CRACDL: variants seen among roughly 807,000 people sequenced by gnomAD.
The protein encoded by CRACDL is CRACD like.
Under a neutral mutation model 70.6 loss-of-function variants are expected in CRACDL, and 26 were observed. That is an observed-to-expected ratio of 0.37 (90% CI 0.27 to 0.51). The LOEUF is 0.51. CRACDL is among the 20% of genes least tolerant of loss of function. The probability of loss-of-function intolerance (pLI) is 0.94; values close to 1 mark genes in which losing one functional copy is unlikely to be tolerated. For missense variants in CRACDL, 1,283 were observed against 1,376.9 expected (o/e 0.93, Z 1.08); for synonymous variants, 618 against 615.2 (o/e 1.00, Z -0.07).
chr2:98,815,058 G>C (rs1397204354), intron 7 of CRACDL, among the ~76,000 whole-genome samples: 1 of 151,298 alleles, frequency 6.6e-6, no homozygotes, highest in Non-Finnish European at 1.5e-5. Context: ...TTTTTTTACA[G>C]AGAATTTCTA....
chr2:98,853,032 G>A (rs1464730852), intron 1 of CRACDL, among the ~76,000 whole-genome samples: 5 of 132,168 alleles, frequency 3.8e-5, no homozygotes, highest in Admixed American at 1.5e-4. Context: ...GGAAGGGAAA[G>A]GGAAGGGAAG....
At chr2:98,805,968 C>T (rs1389097021) in intron 7 of CRACDL, among the ~76,000 whole-genome samples, 1 of 152,268 alleles carries the variant, frequency 6.6e-6, no homozygotes, top group East Asian at 1.9e-4. Flanking sequence ...TGGTAGCACG[C>T]TTCTATCATT....
chr2:98,896,211 G>A (rs933591666), intron 1 of CRACDL, among the ~76,000 whole-genome samples: 20 of 152,104 alleles, frequency 1.3e-4, no homozygotes, highest in Admixed American at 3.9e-4. Context: ...GAGAAGACAC[G>A]GCAAGCATGC....
Position 98,822,215 on chromosome 2 carries a change from G to A in CRACDL, c.2058C>T (p.Leu686=), listed in dbSNP as rs368943886. Residue 686 remains leucine (L), a synonymous_variant, in exon 7 of 10, where the codon CTC becomes CTT. Transcript: ENST00000397899. This position sits in a 1 kb window ranked among gnomAD's most constrained non-coding sequence, Gnocchi z 4.9. ...ATTTGAGCGAGAGGGAGGTGGACCG[G>A]AGCTTGACGGGGAAGGGGTTTCTGT... The part of the protein sequence containing the change: ...SEDRNPFPVK[L]RSTSLSLKYR... 2.4e-5 allele frequency: 38 copies of A among 1,608,480 alleles called. No individual in the cohort carries two copies. The African/African-American group carries it at 4.8e-4, about 20-fold the overall frequency.
chr2:98,878,493 G>A (rs1327214744), intron 1 of CRACDL, among the ~76,000 whole-genome samples: 3 of 152,184 alleles, frequency 2.0e-5, no homozygotes, highest in African/African-American at 7.2e-5. Context: ...GTTTGCGTAA[G>A]CATATTACAT....
rs147558548 is a variant in CRACDL at position 98,896,014 on chromosome 2, C to T, written c.-11+39924G>A. Among the ~76,000 whole-genome samples the T allele has an allele frequency of 2.6e-4, 39 of 152,302 alleles. No individual in the cohort carries two copies. In the East Asian group the frequency reaches 6.6e-3, roughly 26 times the overall value. ...GGCGCCTTGATCTAGGACTTCCGGC[C>T]TCCAGGACTGTGAGCAAACAATCTC... On this transcript the variant is annotated intron_variant, in intron 1 of 9. Coordinates refer to ENST00000397899, the MANE Select transcript of CRACDL (RefSeq NM_207362.3).
chr2:98,894,975 G>C (rs1350449720), intron 1 of CRACDL, among the ~76,000 whole-genome samples: 1 of 152,106 alleles, frequency 6.6e-6, no homozygotes, highest in Non-Finnish European at 1.5e-5. Flanking sequence ...AGCCAGGTGT[G>C]GTGACATGCA....
chr2:98,911,101 G>A (rs186936002), intron 1 of CRACDL, among the ~76,000 whole-genome samples: 43 of 152,300 alleles, frequency 2.8e-4, no homozygotes, highest in Admixed American at 1.1e-3. Flanking sequence ...GCCGAACTGA[G>A]AGGTGAGAGA....
chr2:98,902,450 A>G (rs1025079107), intron 1 of CRACDL, among the ~76,000 whole-genome samples: 8 of 152,140 alleles, frequency 5.3e-5, no homozygotes, highest in African/African-American at 1.7e-4. Flanking sequence ...GATCTGATCA[A>G]TATGAAGTGG....
chr2:98,892,689 C>CA (rs879749506), intron 1 of CRACDL, among the ~76,000 whole-genome samples: 51 of 135,782 alleles, frequency 3.8e-4, no homozygotes, highest in African/African-American at 9.8e-4. Flanking sequence ...GGCTCAGTCT[C>CA]AAAAAAAAAA....
chr2:98,799,969 C>A (rs888266495), intron 7 of CRACDL, among the ~76,000 whole-genome samples: 1 of 152,180 alleles, frequency 6.6e-6, no homozygotes, highest in African/African-American at 2.4e-5. Context: ...ATCGCTTCCT[C>A]CCAGCATTCT....
At chr2:98,933,739 G>A (rs1412476491) in intron 1 of CRACDL, among the ~76,000 whole-genome samples, 2 of 152,132 alleles carry the variant, frequency 1.3e-5, no homozygotes, top group Non-Finnish European at 2.9e-5. Context: ...CCACCCTCCT[G>A]GAGGCCTGGT....
At chr2:98,832,777 A>G (rs1705598010) in intron 4 of CRACDL, 85 bp downstream of exon 4, 1 of 1,549,724 alleles carries the variant, frequency 6.5e-7, no homozygotes, top group Non-Finnish European at 8.9e-7. Flanking sequence ...ACAGCATATC[A>G]AATAAACCAA....
intron 6 of CRACDL, among the ~76,000 whole-genome samples, chr2:98,826,306 C>A (rs1490722896): frequency 6.6e-6 from 1 of 152,202 alleles, no homozygotes; most frequent in Non-Finnish European, 1.5e-5. Flanking sequence ...GTTTCAGCTT[C>A]TTTCATTCAC....
At chr2:98,896,913 C>A (rs768691361) in intron 1 of CRACDL, among the ~76,000 whole-genome samples, 7 of 152,288 alleles carry the variant, frequency 4.6e-5, no homozygotes, top group South Asian at 4.2e-4. Context: ...CCCTTGGACA[C>A]CCCTGGCAGG....
At chr2:98,928,492 A>G (rs1371657015) in intron 1 of CRACDL, among the ~76,000 whole-genome samples, 1 of 152,074 alleles carries the variant, frequency 6.6e-6, no homozygotes, top group Admixed American at 6.6e-5. Context: ...CAGACAGCTG[A>G]CCAGACTTCT....
At position 98,821,889 on chromosome 2, in the gene CRACDL, GTCCTGGGCTCCT is replaced by G; in HGVS notation, c.2372_2383del (p.Lys791_Arg794del). ...CCTGCGCAGCGGCCTTTTCTCCGCC[GTCCTGGGCTCCT>G]TCCTGGGTTCCCGCTCTCCCGGGCC... On this transcript the variant is annotated inframe_deletion, in exon 7 of 10. Transcript: ENST00000397899. 6.2e-7 allele frequency: 1 copy of G among 1,605,190 alleles called. No homozygotes were observed. Among genetic ancestry groups the G allele is most frequent in the Non-Finnish European group, 8.5e-7 (1 of 1,178,152 alleles).
At chr2:98,887,347 A>G (rs1281237523) in intron 1 of CRACDL, among the ~76,000 whole-genome samples, 1 of 152,078 alleles carries the variant, frequency 6.6e-6, no homozygotes. Flanking sequence ...AAATTGGCCA[A>G]ACATGTTGTG....
chr2:98,819,088 C>T (rs1704916450), intron 7 of CRACDL, among the ~76,000 whole-genome samples: 1 of 152,106 alleles, frequency 6.6e-6, no homozygotes, highest in African/African-American at 2.4e-5. Flanking sequence ...TTCTCTTCTA[C>T]TATATAAGCA....
Sources: gnomAD v4.1 joint callset for allele counts (sites outside exome capture counted in the v4.1 genomes callset) on GRCh38, gnomAD v4.1.1 for gene constraint, Gnocchi (gnomAD v3.1) non-coding constraint, MANE v1.5 for transcripts, NCBI Gene and HGNC (gene_info 2026-07-23, HGNC 2026-07-21) for gene names.